The following AKAP13 variants were observed in gnomAD, a reference collection of about 807,000 sequenced individuals.
The protein encoded by AKAP13 is A-kinase anchoring protein 13.
Under a neutral mutation model 264.5 loss-of-function variants are expected in AKAP13, and 80 were observed. That is an observed-to-expected ratio of 0.30 (90% CI 0.25 to 0.36). AKAP13 has a LOEUF of 0.36. Ranked by LOEUF, AKAP13 falls within the 10% of genes least tolerant of loss-of-function variation. AKAP13 has a pLI of 1.00. For synonymous variants in AKAP13, 1,380 were observed against 1,250.2 expected, an observed-to-expected ratio of 1.10 and a Z score of -2.19; for missense variants, 3,712 against 3,435.2, an observed-to-expected ratio of 1.08 and a Z score of -2.01.
chr15:85,527,011 G>A (rs1352937375), intron 3 of AKAP13, among the ~76,000 whole-genome samples: 2 of 149,242 alleles, frequency 1.3e-5, no homozygotes, highest in African/African-American at 2.5e-5. Context: ...CTGGAGTGCA[G>A]TGGCGCGATC....
At chr15:85,541,796 T>C (rs146471377) in intron 4 of AKAP13, among the ~76,000 whole-genome samples, 2 of 152,334 alleles carry the variant, frequency 1.3e-5, no homozygotes, top group East Asian at 1.9e-4. Context: ...TACATTGTTT[T>C]CTCCTAATCT....
intron 9 of AKAP13, among the ~76,000 whole-genome samples, chr15:85,644,326 C>T (rs553446504): frequency 7.3e-5 from 11 of 151,718 alleles, no homozygotes; most frequent in African/African-American, 2.7e-4. Flanking sequence ...CTGCAGTCTC[C>T]GCTTCCCGGG....
chr15:85,746,226 T>C lies in AKAP13; in HGVS notation c.*1549T>C, dbSNP rs574496415. On this transcript the variant is annotated 3_prime_UTR_variant, in exon 37 of 37. Transcript: ENST00000394518. ...CAAGCTGGCCTTGCAGATGGAGATA[T>C]TTATCTTTCAGTTTATTTGAAAGAG... The C allele has an allele frequency of 2.2e-4, 33 of 152,792 alleles. No individual in the cohort carries two copies. The highest frequency in any genetic ancestry group is 7.9e-4 in the African/African-American group (33 of 41,594). 9.5% of individuals were successfully genotyped at this position (152,792 alleles called of 1,614,324 possible).
At chr15:85,525,313 C>T (rs1335909540) in intron 3 of AKAP13, among the ~76,000 whole-genome samples, 2 of 152,124 alleles carry the variant, frequency 1.3e-5, no homozygotes, top group Non-Finnish European at 2.9e-5. Context: ...CTGCCTTGGC[C>T]TCCCAAAGTG....
At chr15:85,712,573 T>G (rs899185391) in intron 19 of AKAP13, among the ~76,000 whole-genome samples, 5 of 152,084 alleles carry the variant, frequency 3.3e-5, no homozygotes, top group African/African-American at 1.2e-4. Context: ...GACAAGAGTC[T>G]TACTCTGTCA....
chr15:85,504,305 G>C (rs916505850), intron 2 of AKAP13, among the ~76,000 whole-genome samples: 1 of 151,816 alleles, frequency 6.6e-6, no homozygotes, highest in Non-Finnish European at 1.5e-5. Context: ...GGGAAGGAGC[G>C]AGGAATGAGG....
chr15:85,535,577 TG>T (rs1184677831), intron 4 of AKAP13: 2 of 152,228 alleles, frequency 1.3e-5, no homozygotes, highest in East Asian at 3.8e-4. Flanking sequence ...CTCCTATTTC[TG>T]TATTGATACA....
At chr15:85,656,662 A>G (rs2083110741) in intron 11 of AKAP13, among the ~76,000 whole-genome samples, 1 of 151,974 alleles carries the variant, frequency 6.6e-6, no homozygotes, top group Non-Finnish European at 1.5e-5. Flanking sequence ...GTTAGCCAGG[A>G]TGGTCTCGAT....
intron 19 of AKAP13, among the ~76,000 whole-genome samples, chr15:85,712,778 A>C (rs1346862570): frequency 3.3e-5 from 5 of 152,180 alleles, no homozygotes; most frequent in African/African-American, 1.2e-4. Flanking sequence ...TTTTGACCTC[A>C]AGGCATCTGT....
chr15:85,666,402 T>A (rs1051029398), intron 13 of AKAP13, among the ~76,000 whole-genome samples: 1 of 151,398 alleles, frequency 6.6e-6, no homozygotes, highest in African/African-American at 2.4e-5. Flanking sequence ...TTTTAAGTTC[T>A]TTGTAGATTC....
At chr15:85,417,543 A>G (rs749184995) in intron 1 of AKAP13, among the ~76,000 whole-genome samples, 4 of 152,244 alleles carry the variant, frequency 2.6e-5, no homozygotes, top group South Asian at 2.1e-4. Context: ...AAATGTTGCA[A>G]TGTAATGACA....
intron 1 of AKAP13, among the ~76,000 whole-genome samples, chr15:85,449,655 C>G (rs535116892): frequency 6.2e-4 from 95 of 152,140 alleles, no homozygotes; most frequent in African/African-American, 2.1e-3. Context: ...TTATCAAAAG[C>G]CTTTTCTGTA....
At chr15:85,553,792 G>A (rs1237754041) in intron 5 of AKAP13, among the ~76,000 whole-genome samples, 1 of 152,204 alleles carries the variant, frequency 6.6e-6, no homozygotes, top group Non-Finnish European at 1.5e-5. Context: ...TACCACCTGA[G>A]CTTGCCTACT....
At chr15:85,693,716 C>A (rs143709914) in intron 17 of AKAP13, among the ~76,000 whole-genome samples, 2 of 152,292 alleles carry the variant, frequency 1.3e-5, no homozygotes, top group African/African-American at 4.8e-5. Context: ...GGTTCAAAAG[C>A]AATACACGTT....
rs1427678223 is a variant in AKAP13 at position 85,696,141 on chromosome 15, TGG to T, written c.5464+2691_5464+2692del. 3.3e-5 allele frequency among the ~76,000 whole-genome samples: 5 copies of T among 152,380 alleles called. No individual in the cohort carries two copies. In the East Asian group the frequency reaches 9.6e-4, roughly 29 times the overall value. Reference sequence around the variant, plus strand: ...TCAGAATTGCCATTTTCTTGTTTTCTGGTTAGTTATTAGTATGATTAGTATTG... The same window carrying T: ...TCAGAATTGCCATTTTCTTGTTTTCTTTAGTTATTAGTATGATTAGTATTG... On this transcript the variant is annotated intron_variant, in intron 17 of 36. Coordinates refer to ENST00000394518, the MANE Select transcript of AKAP13 (RefSeq NM_007200.5).
At chr15:85,456,646 G>A (rs2074291585) in intron 1 of AKAP13, among the ~76,000 whole-genome samples, 1 of 151,182 alleles carries the variant, frequency 6.6e-6, no homozygotes. Flanking sequence ...GGCCTCCCGG[G>A]TTCACACCAT....
At chr15:85,587,909 A>C (rs532351560) in intron 8 of AKAP13, among the ~76,000 whole-genome samples, 147 of 152,300 alleles carry the variant, frequency 9.7e-4, no homozygotes, top group Non-Finnish European at 1.8e-3. Flanking sequence ...TGGCCTCCCA[A>C]AGTGCTGGAA....
At chr15:85,667,281 A>G (rs558922206) in intron 13 of AKAP13, among the ~76,000 whole-genome samples, 1 of 152,322 alleles carries the variant, frequency 6.6e-6, no homozygotes, top group Non-Finnish European at 1.5e-5. Context: ...CCAGACAAAT[A>G]AAGAGATTTA....
rs79483024 is a variant in AKAP13 at position 85,453,487 on chromosome 15, T to A, written c.-11-32223T>A. 1.3e-3 allele frequency among the ~76,000 whole-genome samples: 199 copies of A among 152,320 alleles called. 2 individuals carry two copies. Among genetic ancestry groups the A allele is most frequent in the African/African-American group, 4.6e-3 (193 of 41,570 alleles). On this transcript the variant is annotated intron_variant, in intron 1 of 36. Coordinates refer to ENST00000394518, the MANE Select transcript of AKAP13 (RefSeq NM_007200.5). ...GTGAAACAGCAAAGATGGCTGCCTG[T>A]CCTTCCCTCTGGGAACTTTGTCCCA...
Sources: gnomAD v4.1 joint callset for allele counts (sites outside exome capture counted in the v4.1 genomes callset) on GRCh38, gnomAD v4.1.1 for gene constraint, MANE v1.5 for transcripts, NCBI Gene and HGNC (gene_info 2026-07-23, HGNC 2026-07-21) for gene names.